PDE7B: variants seen among roughly 807,000 people sequenced by gnomAD.
PDE7B encodes phosphodiesterase 7B.
In PDE7B, 29 loss-of-function variants were observed where a neutral mutation model predicts 56.2. The observed-to-expected ratio is 0.52, with a 90% CI of 0.38 to 0.70. PDE7B has a LOEUF of 0.70. Among genes scored for constraint, PDE7B ranks in the 30% least tolerant of loss-of-function variants. The pLI, the probability that PDE7B is intolerant of heterozygous loss-of-function variation, is 0.00. For missense variants in PDE7B, 490 were observed against 565.0 expected (o/e 0.87, Z 1.35); for synonymous variants, 197 against 196.9 (o/e 1.00, Z 0.00).
At chr6:135,967,142 A>G (rs1348044736) in intron 2 of PDE7B, among the ~76,000 whole-genome samples, 1 of 152,160 alleles carries the variant, frequency 6.6e-6, no homozygotes, top group Non-Finnish European at 1.5e-5. Context: ...TGATAGGCCC[A>G]GAAAAGTCTA....
At chr6:135,872,128 C>T (rs1281855632) in intron 1 of PDE7B, among the ~76,000 whole-genome samples, 1 of 152,156 alleles carries the variant, frequency 6.6e-6, no homozygotes, top group Non-Finnish European at 1.5e-5. Context: ...TAATTCCAGC[C>T]TTTTTAAAGG....
intron 2 of PDE7B, among the ~76,000 whole-genome samples, chr6:136,074,061 A>C (rs894894568): frequency 5.3e-5 from 8 of 152,138 alleles, no homozygotes; most frequent in Non-Finnish European, 1.2e-4. Context: ...GTCTGTACTA[A>C]AAATACAAAA....
At chr6:135,945,498 G>C (rs1774581100) in intron 1 of PDE7B, among the ~76,000 whole-genome samples, 1 of 151,686 alleles carries the variant, frequency 6.6e-6, no homozygotes, top group African/African-American at 2.4e-5. Context: ...CATAATGTAG[G>C]CCATCTTAAA....
chr6:135,983,745 T>A (rs747795605), intron 2 of PDE7B, among the ~76,000 whole-genome samples: 25 of 152,232 alleles, frequency 1.6e-4, no homozygotes, highest in Non-Finnish European at 2.8e-4. Flanking sequence ...GAAGGATTCA[T>A]TGATTTCTGA....
intron 2 of PDE7B, among the ~76,000 whole-genome samples, chr6:136,061,655 A>G (rs1776843124): frequency 6.6e-6 from 1 of 152,218 alleles, no homozygotes; most frequent in Non-Finnish European, 1.5e-5. Context: ...AACCACTCAT[A>G]GAGTAGAAGC....
intron 6 of PDE7B, among the ~76,000 whole-genome samples, 177 bp from the exon 7 acceptor site, chr6:136,153,898 A>G (rs964342308): frequency 6.6e-6 from 1 of 151,630 alleles, no homozygotes; most frequent in Admixed American, 6.5e-5. Flanking sequence ...GCTCTCTGCT[A>G]AAAACAGCCT....
At position 136,191,729 on chromosome 6, in the gene PDE7B, G is replaced by T; in HGVS notation, c.1242G>T (p.Lys414Asn). 6.2e-7 allele frequency: 1 copy of T among 1,610,148 alleles called. No homozygotes were observed. The highest frequency in any genetic ancestry group is 2.2e-5 in the East Asian group (1 of 44,626). ...TCGCACACAACAAGGCCCAGTGGAA[G>T]AGCCTGTTGCCCAGGCAGCACAGAA... ...GHLAHNKAQW[K>N]SLLPRQHRSR... The change falls in exon 13 of 13, where the codon AAG becomes AAT. Residue 414 changes from lysine to asparagine, a missense_variant. By Grantham distance (94) the Lys-to-Asn change is moderately conservative. Coordinates refer to ENST00000308191, the MANE Select transcript of PDE7B (RefSeq NM_018945.4).
chr6:136,083,202 C>G (rs533059267), intron 2 of PDE7B, among the ~76,000 whole-genome samples: 2 of 152,144 alleles, frequency 1.3e-5, no homozygotes, highest in Non-Finnish European at 2.9e-5. Flanking sequence ...AGAGAACAGT[C>G]GGAAGACTGA....
At chr6:136,162,465 C>T (rs1272400747) in intron 8 of PDE7B, 1 of 152,126 alleles carries the variant, frequency 6.6e-6, no homozygotes, top group African/African-American at 2.4e-5. Flanking sequence ...CCCATCAGGC[C>T]CCTCCCATCA....
At chr6:135,966,363 C>A (rs138291683) in intron 2 of PDE7B, among the ~76,000 whole-genome samples, 113 of 151,772 alleles carry the variant, frequency 7.4e-4, no homozygotes, top group Middle Eastern at 3.4e-3. Flanking sequence ...ATGGCTTACT[C>A]AGGAAACTAG....
intron 1 of PDE7B, among the ~76,000 whole-genome samples, chr6:135,906,838 A>ATTTTTTTTTTTTTTTTTTTTTTTTT (rs1776125260): frequency 2.4e-5 from 1 of 41,824 alleles, no homozygotes; most frequent in Non-Finnish European, 4.1e-5. Context: ...TTTTTTTTTA[A>ATTTTTTTTTTTTTTTTTTTTTTTTT]TCCTCTAGGC....
At chr6:136,173,054 A>C (rs537866882) in intron 8 of PDE7B, among the ~76,000 whole-genome samples, 111 of 152,218 alleles carry the variant, frequency 7.3e-4, no homozygotes, top group Non-Finnish European at 3.7e-4. Context: ...GGAAGAATCA[A>C]TATCATGAAA....
At chr6:135,881,166 G>C (rs1198808848) in intron 1 of PDE7B, among the ~76,000 whole-genome samples, 1 of 151,924 alleles carries the variant, frequency 6.6e-6, no homozygotes, top group African/African-American at 2.4e-5. Flanking sequence ...GCATATCTTT[G>C]AGACTCAGAA....
intron 10 of PDE7B, among the ~76,000 whole-genome samples, chr6:136,180,265 A>G (rs1375839372): frequency 6.6e-6 from 1 of 152,218 alleles, no homozygotes; most frequent in East Asian, 1.9e-4. Context: ...GAATGCCACA[A>G]GGATCAACCA....
At chr6:135,945,848 A>G (rs550401636) in intron 1 of PDE7B, among the ~76,000 whole-genome samples, 1 of 152,230 alleles carries the variant, frequency 6.6e-6, no homozygotes, top group South Asian at 2.1e-4. Flanking sequence ...AGACAGGTGC[A>G]GAGATGTATT....
intron 1 of PDE7B, among the ~76,000 whole-genome samples, chr6:135,941,747 A>C (rs888942038): frequency 1.3e-5 from 2 of 152,216 alleles, no homozygotes; most frequent in African/African-American, 4.8e-5. Context: ...AACATTACCT[A>C]CTTGCAGAAA....
Position 136,009,637 on chromosome 6 carries a change from C to A in PDE7B, c.82+62113C>A, listed in dbSNP as rs147030518. Among the ~76,000 whole-genome samples, 3 of 152,200 alleles carry A rather than the reference C, an allele frequency of 2.0e-5. No homozygotes were observed. The East Asian group carries it at 5.8e-4, about 29-fold the overall frequency. ...TCACTCATGATTTGGCTCCGTTTGT[C>A]TGTTATTGATGTATAAGAATGCTTG... On this transcript the variant is annotated intron_variant, in intron 2 of 12. Coordinates refer to ENST00000308191, the MANE Select transcript of PDE7B (RefSeq NM_018945.4).
intron 3 of PDE7B, among the ~76,000 whole-genome samples, chr6:136,126,853 A>G (rs772771230): frequency 6.6e-6 from 1 of 152,308 alleles, no homozygotes; most frequent in African/African-American, 2.4e-5. Context: ...AGTTCAATGT[A>G]TACTGCTCAG....
chr6:135,943,724 C>G (rs1225195300), intron 1 of PDE7B, among the ~76,000 whole-genome samples: 1 of 152,164 alleles, frequency 6.6e-6, no homozygotes, highest in Non-Finnish European at 1.5e-5. Flanking sequence ...TTTAGTCTAC[C>G]TAATCCACAA....
Sources: gnomAD v4.1 joint callset for allele counts (sites outside exome capture counted in the v4.1 genomes callset) on GRCh38, gnomAD v4.1.1 for gene constraint, MANE v1.5 for transcripts, NCBI Gene and HGNC (gene_info 2026-07-23, HGNC 2026-07-21) for gene names.